CIDEC: variants seen among roughly 807,000 people sequenced by gnomAD.
CIDEC encodes the protein cell death inducing DFFA like effector c, also known as lipid transferase CIDEC.
CIDEC carries 11 observed loss-of-function variants against 21.9 expected under a neutral mutation model. The ratio of observed to expected loss-of-function variants is 0.50; its 90% CI spans 0.32 to 0.83. The LOEUF (loss-of-function observed/expected upper bound fraction) is 0.83, where lower values mean the gene tolerates loss of function less well. Among genes scored for constraint, CIDEC ranks in the 40% least tolerant of loss-of-function variants. The pLI is 0.04. For missense variants in CIDEC, 302 were observed against 302.3 expected (o/e 1.00, Z 0.01); for synonymous variants, 127 against 124.9 (o/e 1.02, Z -0.11).
chr3:9,878,192 A>C (rs2082453530), intron 3 of CIDEC: 8 of 521,416 alleles, frequency 1.5e-5, no homozygotes, highest in Non-Finnish European at 2.8e-5. Flanking sequence ...CAGGAGTAAA[A>C]GCACCAAGCA....
chr3:9,878,570 A>G, intron 2 of CIDEC, 59 bp from the exon 3 acceptor site: 1 of 1,488,708 alleles, frequency 6.7e-7, no homozygotes, highest in Non-Finnish European at 9.4e-7. Context: ...CATCTCTCTC[A>G]TTGTTAGGCA....
intron 2 of CIDEC, 84 bp from the exon 3 acceptor site, chr3:9,878,595 C>A: frequency 7.6e-7 from 1 of 1,317,824 alleles, no homozygotes; most frequent in East Asian, 2.4e-5. Context: ...GCAACCCAAC[C>A]CCTGTTCAGC....
chr3:9,878,828 C>A, intron 2 of CIDEC, 114 bp downstream of exon 2: 2 of 1,536,080 alleles, frequency 1.3e-6, no homozygotes, highest in Non-Finnish European at 1.7e-6. Context: ...GATAACCCAA[C>A]TCAGGGCTGA....
At chr3:9,871,200 G>C (rs1324430435) in intron 4 of CIDEC, among the ~76,000 whole-genome samples, 2 of 146,718 alleles carry the variant, frequency 1.4e-5, no homozygotes, top group Admixed American at 1.4e-4. Flanking sequence ...TTTTTCTGGG[G>C]AGAAGGCCTT....
At chr3:9,879,785 C>T (rs2082479629) in intron 1 of CIDEC, among the ~76,000 whole-genome samples, 1 of 152,166 alleles carries the variant, frequency 6.6e-6, no homozygotes. Flanking sequence ...AAAATTATTA[C>T]ACCTTCATCC....
intron 6 of CIDEC, among the ~76,000 whole-genome samples, chr3:9,868,308 C>G (rs55728043): frequency 6.6e-6 from 1 of 152,234 alleles, no homozygotes; most frequent in South Asian, 2.1e-4. Flanking sequence ...ACACTCTGTT[C>G]TAGACTCTGA....
intron 4 of CIDEC, 130 bp from the exon 5 acceptor site, chr3:9,870,452 C>T: frequency 1.3e-6 from 2 of 1,554,384 alleles, no homozygotes; most frequent in Non-Finnish European, 1.7e-6. Flanking sequence ...TACCTCTTGG[C>T]TCCTGGCTTC....
chr3:9,875,254 G>A (rs1018992520), intron 4 of CIDEC, among the ~76,000 whole-genome samples: 2 of 151,766 alleles, frequency 1.3e-5, no homozygotes, highest in Non-Finnish European at 2.9e-5. Flanking sequence ...GCGGGCGCCC[G>A]TAGTCCCAGC....
chr3:9,879,274 C>T (rs1240219048), intron 1 of CIDEC, among the ~76,000 whole-genome samples: 1 of 151,578 alleles, frequency 6.6e-6, no homozygotes, highest in Non-Finnish European at 1.5e-5. Flanking sequence ...GCCTCAGCCT[C>T]CCCCGTAGCT....
At chr3:9,867,694 G>A (rs1480170367) in intron 6 of CIDEC, among the ~76,000 whole-genome samples, 6 of 151,558 alleles carry the variant, frequency 4.0e-5, no homozygotes, top group South Asian at 2.1e-4. Flanking sequence ...TTAGGTGGCC[G>A]AGGTGGGTGG....
At position 9,876,038 on chromosome 3, in the gene CIDEC, G is replaced by A. The variant is rs57471134; in HGVS notation, c.207+1028C>T. ...AGAACAGAACTAATACACAGAAATA[G>A]GGGAGGAAACTTAGAATAAAGAGGT... is the stretch of plus-strand genomic sequence containing the variant. On this transcript the variant is annotated intron_variant, in intron 4 of 6. Coordinates refer to ENST00000336832, the MANE Select transcript of CIDEC (RefSeq NM_001321142.2). Among the ~76,000 whole-genome samples, 1,123 of 152,322 alleles carry A rather than the reference G, an allele frequency of 7.4e-3. 13 individuals carry two copies. The highest frequency in any genetic ancestry group is 0.026 in the African/African-American group (1,087 of 41,568).
intron 4 of CIDEC, chr3:9,870,616 C>T: frequency 2.8e-6 from 2 of 701,948 alleles, no homozygotes; most frequent in Non-Finnish European, 4.8e-6. Context: ...GTGCAACAAT[C>T]ACCACTACCT....
At chr3:9,878,334 A>G in intron 3 of CIDEC, 100 bp downstream of exon 3, 1 of 925,482 alleles carries the variant, frequency 1.1e-6, no homozygotes. Context: ...CTGCACTTGA[A>G]CAAGGTCCCC....
At chr3:9,877,551 T>C (rs976958263) in intron 3 of CIDEC, among the ~76,000 whole-genome samples, 21 of 152,024 alleles carry the variant, frequency 1.4e-4, no homozygotes, top group African/African-American at 4.8e-4. Flanking sequence ...CCCAGCTCCA[T>C]AGGCCGGGAC....
Position 9,877,142 on chromosome 3 carries a change from G to A in CIDEC, c.131C>T (p.Pro44Leu), listed in dbSNP as rs1274652269. The A allele has an allele frequency of 1.3e-6, 2 of 1,552,154 alleles. No individual in the cohort carries two copies. The highest frequency in any genetic ancestry group is 1.2e-5 in the South Asian group (1 of 84,090). ...TCGATCCGCCGTGCTTACGCGGCAG[G>A]GCCGGGCCCTGGGGGCCTTGGGGCT... ...EPSPKAPRAR[P>L]CRVSTADRSV... Residue 44 changes from proline (P) to leucine (L), a missense_variant, in exon 4 of 7, where the codon CCC becomes CTC. Physicochemically the swap from Pro to Leu is moderately conservative, Grantham distance 98. Coordinates refer to ENST00000336832, the MANE Select transcript of CIDEC (RefSeq NM_001321142.2).
chr3:9,871,743 C>T (rs977156665), intron 4 of CIDEC, among the ~76,000 whole-genome samples: 2 of 152,046 alleles, frequency 1.3e-5, no homozygotes, highest in Admixed American at 1.3e-4. Flanking sequence ...GATTCTCCTG[C>T]CTCAGCCTTC....
At chr3:9,874,127 G>A (rs1293445352) in intron 4 of CIDEC, among the ~76,000 whole-genome samples, 1 of 152,156 alleles carries the variant, frequency 6.6e-6, no homozygotes, top group Non-Finnish European at 1.5e-5. Context: ...AGATGTTGAA[G>A]TCTGGGACAA....
rs1035959620 is a variant in CIDEC at position 9,878,824 on chromosome 3, C to T, written c.-26+118G>A. On this transcript the variant is annotated intron_variant, in intron 2 of 6. Transcript: ENST00000336832. ...GCTCTGGTCACACTGAGCAGATAAC[C>T]CAACTCAGGGCTGAAGAAGCCTTGC... 5 of 1,535,932 alleles carry T rather than the reference C, an allele frequency of 3.3e-6. No individual in the cohort carries two copies. In the African/African-American group the frequency reaches 5.5e-5, roughly 17 times the overall value.
rs2082469094 is a variant in CIDEC at position 9,879,025 on chromosome 3, C to G, written c.-109G>C. 5.0e-6 allele frequency: 3 copies of G among 602,386 alleles called. No individual in the cohort carries two copies. The highest frequency in any genetic ancestry group is 8.9e-6 in the Non-Finnish European group (3 of 336,458). 37.3% of individuals were successfully genotyped at this position (602,386 alleles called of 1,614,324 possible). ...GTCCTTGAGCAATCCGAGCCCCTTCCTGAGGCTTCACAGTGGCCAAAAGAA... is the reference window on the plus strand; with the variant it reads ...GTCCTTGAGCAATCCGAGCCCCTTCGTGAGGCTTCACAGTGGCCAAAAGAA... On this transcript the variant is annotated 5_prime_UTR_variant, in exon 2 of 7. Coordinates refer to ENST00000336832, the MANE Select transcript of CIDEC (RefSeq NM_001321142.2).
Sources: allele counts gnomAD v4.1 joint callset (sites outside exome capture counted in the v4.1 genomes callset), GRCh38; gene constraint gnomAD v4.1.1; transcripts MANE v1.5; gene names NCBI Gene and HGNC (gene_info 2026-07-23, HGNC 2026-07-21).